Variants in SPHKAP observed in about 807,000 individuals in gnomAD.
The protein encoded by SPHKAP is A-kinase anchor protein SPHKAP.
In SPHKAP, 67 loss-of-function variants were observed where a neutral mutation model predicts 137.5. The ratio of observed to expected loss-of-function variants is 0.49; its 90% CI spans 0.40 to 0.60. The LOEUF is 0.60. SPHKAP is among the 20% of genes least tolerant of loss of function. The pLI is 0.00. For missense variants in SPHKAP, 2,097 were observed against 2,069.3 expected, an observed-to-expected ratio of 1.01 and a Z score of -0.26; for synonymous variants, 813 against 785.3, an observed-to-expected ratio of 1.04 and a Z score of -0.59.
chr2:228,116,224 GT>G (rs1698707264), intron 2 of SPHKAP, among the ~76,000 whole-genome samples: 2 of 152,134 alleles, frequency 1.3e-5, no homozygotes, highest in African/African-American at 4.8e-5. Context: ...CTATGTGTTC[GT>G]ATTGTAATTC....
At chr2:228,129,701 A>C (rs66499548) in intron 2 of SPHKAP, among the ~76,000 whole-genome samples, 51,799 of 151,450 alleles carry the variant, frequency 0.34, 9,124 homozygotes, top group East Asian at 0.51. Context: ...TTTATGTATA[A>C]ATATATACAT....
At chr2:228,131,475 G>T (rs898122976) in intron 2 of SPHKAP, among the ~76,000 whole-genome samples, 4 of 141,574 alleles carry the variant, frequency 2.8e-5, no homozygotes, top group African/African-American at 1.0e-4. Flanking sequence ...AAGTATCTTA[G>T]AGCATAGTTT....
At chr2:228,155,858 C>T (rs1458017479) in intron 1 of SPHKAP, among the ~76,000 whole-genome samples, 1 of 152,160 alleles carries the variant, frequency 6.6e-6, no homozygotes, top group East Asian at 1.9e-4. Context: ...TGCAAACAGG[C>T]AAGAGAGCTT....
At chr2:228,116,353 T>C (rs766787375) in intron 2 of SPHKAP, among the ~76,000 whole-genome samples, 2 of 152,158 alleles carry the variant, frequency 1.3e-5, no homozygotes, top group African/African-American at 4.8e-5. Context: ...TCTTCCATTA[T>C]TTAACTGTTC....
Position 228,044,168 on chromosome 2 carries a change from G to A in SPHKAP, c.247-16625C>T, listed in dbSNP as rs557965882. ...TCAGGTATAATTGAGCAAACACTTTGTACATCTTTAATAATTAAGCATGCT... is the reference window on the plus strand; with the variant it reads ...TCAGGTATAATTGAGCAAACACTTTATACATCTTTAATAATTAAGCATGCT... On this transcript the variant is annotated intron_variant, in intron 3 of 11. Transcript: ENST00000392056. 1.1e-3 allele frequency among the ~76,000 whole-genome samples: 161 copies of A among 152,188 alleles called. 1 individual carries two copies. The highest frequency in any genetic ancestry group is 3.7e-3 in the African/African-American group (152 of 41,514).
chr2:228,035,645 C>T (rs1298041373), intron 3 of SPHKAP, among the ~76,000 whole-genome samples: 7 of 152,174 alleles, frequency 4.6e-5, no homozygotes, highest in South Asian at 2.1e-4. Flanking sequence ...TACAAGGCTA[C>T]AGTAACCAAA....
At chr2:228,061,439 TG>T (rs1696628982) in intron 3 of SPHKAP, among the ~76,000 whole-genome samples, 1 of 151,914 alleles carries the variant, frequency 6.6e-6, no homozygotes. Context: ...CAGCTAATTT[TG>T]TATGTATTTT....
In SPHKAP at chr2:228,019,268, G is replaced by T. The variant is rs1437616114; in HGVS notation, c.1586C>A (p.Pro529His). 1 of 1,613,872 alleles carries T rather than the reference G, an allele frequency of 6.2e-7. No individual in the cohort carries two copies. The highest frequency in any genetic ancestry group is 8.5e-7 in the Non-Finnish European group (1 of 1,180,028). The change falls in exon 7 of 12, where the codon CCC (proline) becomes CAC (histidine). Residue 529 changes from proline (P) to histidine (H), a missense_variant. Pro to His is a moderately conservative substitution (Grantham distance 77, BLOSUM62 -2). Coordinates refer to ENST00000392056, the MANE Select transcript of SPHKAP (RefSeq NM_001142644.2). ...TTGCAGTGCACCACTGCTCCCTGGG[G>T]GAAAGTTCGAGACCACTTGCTCCAT... The part of the protein sequence containing the change: ...LKMEQVVSNF[P>H]PGSSGALQTQ...
At chr2:228,090,945 G>T (rs1046373193) in intron 3 of SPHKAP, among the ~76,000 whole-genome samples, 1 of 152,098 alleles carries the variant, frequency 6.6e-6, no homozygotes, top group African/African-American at 2.4e-5. Context: ...CCCAGTCTCA[G>T]GTATTCCTTT....
chr2:228,152,969 A>G (rs893229449), intron 1 of SPHKAP, among the ~76,000 whole-genome samples: 4 of 151,952 alleles, frequency 2.6e-5, no homozygotes, highest in African/African-American at 9.7e-5. Flanking sequence ...TTTCCCCTAT[A>G]ACTGTTCTCG....
chr2:227,986,094 C>A (rs1054690035), intron 11 of SPHKAP, among the ~76,000 whole-genome samples: 4 of 152,190 alleles, frequency 2.6e-5, no homozygotes, highest in African/African-American at 7.2e-5. Context: ...GTGACTCTAA[C>A]GTGCACTAAA....
At chr2:228,151,048 G>A (rs1167968995) in intron 1 of SPHKAP, among the ~76,000 whole-genome samples, 2 of 151,004 alleles carry the variant, frequency 1.3e-5, no homozygotes, top group South Asian at 2.1e-4. Context: ...TTGTCATTTA[G>A]CATTAGGTAT....
At chr2:228,048,962 A>C (rs1696160827) in intron 3 of SPHKAP, among the ~76,000 whole-genome samples, 1 of 152,148 alleles carries the variant, frequency 6.6e-6, no homozygotes, top group South Asian at 2.1e-4. Context: ...CCTGTCTATA[A>C]GCAACACGCG....
In SPHKAP at chr2:228,021,817, C is replaced by T. The variant is rs1322682534; in HGVS notation, c.591G>A (p.Leu197=). ...ERQLHLETNI[L]KLEDDTNCSL... ...AACAGTTCGTGTCATCCTCCAGTTT[C>T]AAGATGTTTGTTTCCAGGTGGAGCT... Residue 197 remains leucine, a synonymous_variant, in exon 6 of 12, where the codon TTG becomes TTA. Transcript: ENST00000392056. 2 of 1,614,008 alleles carry T rather than the reference C, an allele frequency of 1.2e-6. No homozygotes were observed. The highest frequency in any genetic ancestry group is 1.7e-6 in the Non-Finnish European group (2 of 1,180,014).
At chr2:228,004,360 T>C (rs1453841092) in intron 7 of SPHKAP, among the ~76,000 whole-genome samples, 2 of 152,232 alleles carry the variant, frequency 1.3e-5, no homozygotes, top group South Asian at 2.1e-4. Context: ...GAGGTGTTTA[T>C]AGTATTCTCT....
intron 3 of SPHKAP, among the ~76,000 whole-genome samples, chr2:228,056,101 C>T (rs34664833): frequency 0.25 from 38,005 of 152,186 alleles, 4,970 homozygotes; most frequent in South Asian, 0.42. Flanking sequence ...TCAAACTAAT[C>T]TTTCTGAATC....
At chr2:228,020,543 G>C (rs1360536507) in intron 6 of SPHKAP, among the ~76,000 whole-genome samples, 2 of 152,070 alleles carry the variant, frequency 1.3e-5, no homozygotes, top group South Asian at 2.1e-4. Context: ...GCAGGGTGGG[G>C]AACATCACAC....
intron 2 of SPHKAP, among the ~76,000 whole-genome samples, chr2:228,130,059 G>A (rs975359897): frequency 1.3e-5 from 2 of 152,104 alleles, no homozygotes; most frequent in African/African-American, 4.8e-5. Context: ...TACTCCCAAA[G>A]TGCTGGGATT....
chr2:228,042,195 T>TG (rs1695879116), intron 3 of SPHKAP, among the ~76,000 whole-genome samples: 1 of 152,210 alleles, frequency 6.6e-6, no homozygotes, highest in South Asian at 2.1e-4. Context: ...ATGGGCTCTG[T>TG]GAGTAGGAGC....
Sources: gnomAD v4.1 joint callset for allele counts (sites outside exome capture counted in the v4.1 genomes callset) on GRCh38, gnomAD v4.1.1 for gene constraint, MANE v1.5 for transcripts, NCBI Gene and HGNC (gene_info 2026-07-23, HGNC 2026-07-21) for gene names.